PTPRN2: variants seen among roughly 807,000 people sequenced by gnomAD.
The protein encoded by PTPRN2 is receptor-type tyrosine-protein phosphatase N2.
PTPRN2 carries 74 observed loss-of-function variants against 118.8 expected under a neutral mutation model. That is an observed-to-expected ratio of 0.62 (90% CI 0.52 to 0.76). The LOEUF is 0.76. Ranked by LOEUF, PTPRN2 falls within the 30% of genes least tolerant of loss-of-function variation. The probability of loss-of-function intolerance (pLI) is 0.00; values close to 1 mark genes in which losing one functional copy is unlikely to be tolerated. For missense variants in PTPRN2, 1,481 were observed against 1,394.4 expected, an observed-to-expected ratio of 1.06 and a Z score of -0.99; for synonymous variants, 641 against 608.0, an observed-to-expected ratio of 1.05 and a Z score of -0.80.
chr7:158,092,418 C>A (rs1421938502), intron 10 of PTPRN2, among the ~76,000 whole-genome samples: 3 of 151,164 alleles, frequency 2.0e-5, no homozygotes, highest in Non-Finnish European at 3.0e-5. Context: ...GGATGGCTGG[C>A]TGGATGGATG....
chr7:158,317,074 G>A lies in PTPRN2; in HGVS notation c.164-142C>T, dbSNP rs1802394906. On this transcript the variant is annotated intron_variant, in intron 2 of 22. Coordinates refer to ENST00000389418, the MANE Select transcript of PTPRN2 (RefSeq NM_002847.5). ...CACGGCGTCACCAGAGGGCTGTTAGGACCCGGGAGCACCCGGAGGATGCTG... is the reference window on the plus strand; with the variant it reads ...CACGGCGTCACCAGAGGGCTGTTAGAACCCGGGAGCACCCGGAGGATGCTG... 5.1e-6 allele frequency: 3 copies of A among 585,394 alleles called. No homozygotes were observed. The East Asian group carries it at 9.1e-5, about 18-fold the overall frequency. The allele number at this position is 585,394 out of a possible 1,614,324, so 36.3% of individuals were successfully genotyped here.
chr7:158,190,800 G>A lies in PTPRN2; in HGVS notation c.549+1527C>T, dbSNP rs529163263. On this transcript the variant is annotated intron_variant, in intron 5 of 22. Transcript: ENST00000389418. Reference sequence around the variant, plus strand: ...TGCATGGCTCTGGGCCAGCATCAGGGCTCTGTTTGGCGGCCGTGGACAGAC... The same window carrying A: ...TGCATGGCTCTGGGCCAGCATCAGGACTCTGTTTGGCGGCCGTGGACAGAC... Among the ~76,000 whole-genome samples, 19 of 152,402 alleles carry A rather than the reference G, an allele frequency of 1.2e-4. No homozygotes were observed. In the East Asian group the frequency reaches 3.3e-3, roughly 26 times the overall value.
intron 6 of PTPRN2, among the ~76,000 whole-genome samples, chr7:158,145,165 C>T (rs1819804053): frequency 6.6e-6 from 1 of 151,844 alleles, no homozygotes; most frequent in African/African-American, 2.4e-5. Flanking sequence ...ACTTCCCTCA[C>T]ATCATCGTGA....
In PTPRN2 at chr7:158,517,499, G is replaced by A. The variant is rs1376652200; in HGVS notation, c.113-27714C>T. Reference sequence around the variant, plus strand: ...GGCCTGACTCTGCCTCAGCCCCACCGCCCCCCAGCCTGAGCCCCGTTCCAC... The same window carrying A: ...GGCCTGACTCTGCCTCAGCCCCACCACCCCCCAGCCTGAGCCCCGTTCCAC... On this transcript the variant is annotated intron_variant, in intron 1 of 22. Transcript: ENST00000389418. This position sits in a 1 kb window ranked among gnomAD's most constrained non-coding sequence, Gnocchi z 5.3. Among the ~76,000 whole-genome samples, 2 of 150,192 alleles carry A rather than the reference G, an allele frequency of 1.3e-5. No individual in the cohort carries two copies. The highest frequency in any genetic ancestry group is 2.1e-4 in the South Asian group (1 of 4,726).
chr7:157,798,591 T>C (rs1433211494), intron 12 of PTPRN2, among the ~76,000 whole-genome samples: 1 of 152,164 alleles, frequency 6.6e-6, no homozygotes, highest in Non-Finnish European at 1.5e-5. Flanking sequence ...CTGCCTCCTT[T>C]CCATTCCCCT....
chr7:157,840,107 GTGACTGTGTGAC>G (rs1191197198), intron 12 of PTPRN2, among the ~76,000 whole-genome samples: 2 of 115,436 alleles, frequency 1.7e-5, no homozygotes, highest in African/African-American at 1.1e-4. Flanking sequence ...GTGTGACCGC[GTGACTGTGTGAC>G]TGTGACTGTG....
intron 12 of PTPRN2, among the ~76,000 whole-genome samples, chr7:157,693,323 A>G (rs1224783798): frequency 2.6e-5 from 4 of 152,022 alleles, no homozygotes; most frequent in African/African-American, 7.2e-5. Context: ...AGGGGATCGC[A>G]GAACCCTAGG....
At chr7:157,938,357 G>C (rs1447647011) in intron 11 of PTPRN2, among the ~76,000 whole-genome samples, 2 of 152,226 alleles carry the variant, frequency 1.3e-5, no homozygotes, top group Admixed American at 1.3e-4. Flanking sequence ...CCAGCTCTCA[G>C]AGGCACCTGC....
intron 11 of PTPRN2, among the ~76,000 whole-genome samples, chr7:157,942,642 A>G (rs1240215847): frequency 2.0e-5 from 3 of 152,058 alleles, no homozygotes; most frequent in Admixed American, 1.3e-4. Flanking sequence ...TCACCTGTAC[A>G]TCGCAAGTGT....
chr7:158,377,515 G>A (rs1810634974), intron 2 of PTPRN2, among the ~76,000 whole-genome samples: 1 of 152,196 alleles, frequency 6.6e-6, no homozygotes, highest in African/African-American at 2.4e-5. Flanking sequence ...CCACAGGCTG[G>A]GGAGGAAACC....
chr7:157,698,602 C>A (rs1273267427), intron 12 of PTPRN2, among the ~76,000 whole-genome samples: 1 of 152,192 alleles, frequency 6.6e-6, no homozygotes, highest in Non-Finnish European at 1.5e-5. Flanking sequence ...TTCATTATTA[C>A]TATTATTAGT....
At chr7:157,771,730 CACAA>C (rs545713704) in intron 12 of PTPRN2, among the ~76,000 whole-genome samples, 135 of 151,728 alleles carry the variant, frequency 8.9e-4, no homozygotes, top group South Asian at 5.6e-3. Context: ...CACACAGACG[CACAA>C]ACAGACGCAG....
intron 12 of PTPRN2, among the ~76,000 whole-genome samples, chr7:157,702,573 G>T (rs1374251691): frequency 6.6e-6 from 1 of 152,188 alleles, no homozygotes; most frequent in Non-Finnish European, 1.5e-5. Flanking sequence ...GGCGTGCTGC[G>T]GCGTTGGTGA....
chr7:158,476,767 C>T (rs1001059309), intron 2 of PTPRN2, among the ~76,000 whole-genome samples: 3 of 152,236 alleles, frequency 2.0e-5, no homozygotes, highest in South Asian at 4.1e-4. Flanking sequence ...TAAGAAGAGA[C>T]GCGAGAACGT....
rs114663881 is a variant in PTPRN2, at chr7:158,138,641, G to T, written c.911-126C>A. On this transcript the variant is annotated intron_variant, in intron 6 of 22. Coordinates refer to ENST00000389418, the MANE Select transcript of PTPRN2 (RefSeq NM_002847.5). Reference sequence around the variant, plus strand: ...AGGCAGTGGCCACCTAGGGCCAGGCGCAGGCCAGTGCTCAGAGAAGATTGG... The same window carrying T: ...AGGCAGTGGCCACCTAGGGCCAGGCTCAGGCCAGTGCTCAGAGAAGATTGG... 2.6e-3 allele frequency: 1,943 copies of T among 754,892 alleles called. 38 individuals carry two copies. The African/African-American group carries it at 0.031, about 12-fold the overall frequency. The allele number at this position is 754,892 out of a possible 1,614,324, so 46.8% of individuals were successfully genotyped here. A position where few individuals can be genotyped will look rare whatever the true frequency, so the allele number is the denominator to read the frequency against.
Position 158,316,840 on chromosome 7 carries a change from A to G in PTPRN2, c.256T>C (p.Leu86=), listed in dbSNP as rs537264004. ...CTACCTGTGCCGGAAAGCTTCTGCA[A>G]CGCCACGCGCAGGCGCTGCAGGGCC... is the stretch of plus-strand genomic sequence containing the variant. ...PVALQRLRVA[L]QKLSGTGFTW... is the part of the protein sequence containing the mutation. The change falls in exon 3 of 23, where the codon TTG becomes CTG. Residue 86 remains leucine, a synonymous_variant. Coordinates refer to ENST00000389418, the MANE Select transcript of PTPRN2 (RefSeq NM_002847.5). 6.2e-7 allele frequency: 1 copy of G among 1,606,768 alleles called. No homozygotes were observed. Among genetic ancestry groups the G allele is most frequent in the Admixed American group, 1.7e-5 (1 of 59,446 alleles).
intron 9 of PTPRN2, among the ~76,000 whole-genome samples, chr7:158,125,978 C>G (rs905136850): frequency 4.6e-5 from 7 of 152,274 alleles, no homozygotes; most frequent in African/African-American, 1.7e-4. Flanking sequence ...TGGGCAGCCA[C>G]TAGGATTGGA....
chr7:157,800,235 C>T (rs896931389), intron 12 of PTPRN2, among the ~76,000 whole-genome samples: 20 of 152,208 alleles, frequency 1.3e-4, no homozygotes, highest in African/African-American at 4.1e-4. Context: ...TGTTTCTCCC[C>T]GGGGTCTTTC....
intron 12 of PTPRN2, among the ~76,000 whole-genome samples, chr7:157,735,100 G>A (rs1449340814): frequency 2.0e-5 from 3 of 152,194 alleles, no homozygotes; most frequent in Non-Finnish European, 4.4e-5. Context: ...AGACCTGCTG[G>A]GGAGCGCCGT....
Sources: gnomAD v4.1 joint callset for allele counts (sites outside exome capture counted in the v4.1 genomes callset) on GRCh38, gnomAD v4.1.1 for gene constraint, Gnocchi (gnomAD v3.1) non-coding constraint, MANE v1.5 for transcripts, NCBI Gene and HGNC (gene_info 2026-07-23, HGNC 2026-07-21) for gene names.